The following PIEZO2 variants were observed in gnomAD, a reference collection of about 807,000 sequenced individuals.
PIEZO2 encodes the protein piezo-type mechanosensitive ion channel component 2.
A neutral mutation model predicts 337.3 loss-of-function variants in PIEZO2; 172 were observed. The ratio of observed to expected loss-of-function variants is 0.51; its 90% CI spans 0.45 to 0.58. The LOEUF (loss-of-function observed/expected upper bound fraction) is 0.58, where lower values mean the gene tolerates loss of function less well. Ranked by LOEUF, PIEZO2 falls within the 20% of genes least tolerant of loss-of-function variation. The probability of loss-of-function intolerance (pLI) is 0.00; values close to 1 mark genes in which losing one functional copy is unlikely to be tolerated. For synonymous variants in PIEZO2, 1,251 were observed against 1,228.5 expected, an observed-to-expected ratio of 1.02 and a Z score of -0.38; for missense variants, 3,028 against 3,391.3, an observed-to-expected ratio of 0.89 and a Z score of 2.66.
At position 10,924,026 on chromosome 18, in the gene PIEZO2, T is replaced by C. The variant is rs557292418; in HGVS notation, c.287-12798A>G. 5.3e-5 allele frequency among the ~76,000 whole-genome samples: 8 copies of C among 152,298 alleles called. No homozygotes were observed. In the South Asian group the frequency reaches 8.3e-4, roughly 16 times the overall value. On this transcript the variant is annotated intron_variant, in intron 3 of 55. Coordinates refer to ENST00000674853, the MANE Select transcript of PIEZO2 (RefSeq NM_001378183.1). ...GTAGATAAATGGTAGCCACCAGTAA[T>C]TGAAGGTTCTCAGCCAGTGTTTAAA...
chr18:10,816,609 C>T (rs1203963020), intron 7 of PIEZO2, among the ~76,000 whole-genome samples: 1 of 151,990 alleles, frequency 6.6e-6, no homozygotes, highest in Non-Finnish European at 1.5e-5. Flanking sequence ...CCTAAATACC[C>T]AATAAAAATC....
At position 10,861,129 on chromosome 18, in the gene PIEZO2, G is replaced by GC. The variant is rs1183765069; in HGVS notation, c.493-3919dup. Among the ~76,000 whole-genome samples, 1 of 152,138 alleles carries GC rather than the reference G, an allele frequency of 6.6e-6. No homozygotes were observed. The highest frequency in any genetic ancestry group is 1.5e-5 in the Non-Finnish European group (1 of 68,032). On this transcript the variant is annotated intron_variant, in intron 5 of 55. Coordinates refer to ENST00000674853, the MANE Select transcript of PIEZO2 (RefSeq NM_001378183.1). This position sits in a 1 kb window ranked among gnomAD's most constrained non-coding sequence, Gnocchi z 4.3. ...GTATAAACACTGAACCTCTGAAAGA[G>GC]CATGGACTCACTCTCGCATGTTTAC...
At chr18:11,034,538 CCGCCTCGGCCT>C (rs912949306) in intron 2 of PIEZO2, among the ~76,000 whole-genome samples, 1 of 152,150 alleles carries the variant, frequency 6.6e-6, no homozygotes, top group African/African-American at 2.4e-5. Flanking sequence ...CGTGATCTGC[CCGCCTCGGCCT>C]CCCAAAGTGC....
chr18:10,856,958 C>T lies in PIEZO2; in HGVS notation c.703+43G>A. On this transcript the variant is annotated intron_variant, in intron 6 of 55. Coordinates refer to ENST00000674853, the MANE Select transcript of PIEZO2 (RefSeq NM_001378183.1). This position sits in a 1 kb window ranked among gnomAD's most constrained non-coding sequence, Gnocchi z 4.7. ...ATTTCTCTCATTCACCAAAGCACTGCTTGTGCCTTTTGCTACGTGCAGCCA... is the reference window on the plus strand; with the variant it reads ...ATTTCTCTCATTCACCAAAGCACTGTTTGTGCCTTTTGCTACGTGCAGCCA... The T allele has an allele frequency of 6.7e-7, 1 of 1,497,232 alleles. No individual in the cohort carries two copies. Among genetic ancestry groups the T allele is most frequent in the Non-Finnish European group, 9.0e-7 (1 of 1,111,156 alleles). The allele number at this position is 1,497,232 out of a possible 1,614,324, so 92.7% of individuals were successfully genotyped here.
chr18:11,007,746 AAAATTT>A (rs1336336379), intron 2 of PIEZO2, among the ~76,000 whole-genome samples: 21 of 152,338 alleles, frequency 1.4e-4, no homozygotes, highest in African/African-American at 4.8e-4. Flanking sequence ...GGGGTGGCAA[AAAATTT>A]CAACCAAAAC....
intron 39 of PIEZO2, chr18:10,709,633 C>T (rs903393330): frequency 6.6e-6 from 1 of 152,340 alleles, no homozygotes; most frequent in Non-Finnish European, 1.5e-5. Flanking sequence ...GGAAGACTTT[C>T]AGGATGCAAT....
chr18:10,952,656 C>T lies in PIEZO2; in HGVS notation c.286+26879G>A, dbSNP rs968284281. ...CGAATAAACCTGCTTTAAACATTTG[C>T]TTAAAATTTTAAAGTCAAATTTTCA... is the stretch of plus-strand genomic sequence containing the variant. On this transcript the variant is annotated intron_variant, in intron 3 of 55. Coordinates refer to ENST00000674853, the MANE Select transcript of PIEZO2 (RefSeq NM_001378183.1). The surrounding 1 kb of genome is among the most constrained non-coding windows in gnomAD (Gnocchi z 4.1). 2.6e-5 allele frequency among the ~76,000 whole-genome samples: 4 copies of T among 152,148 alleles called. No homozygotes were observed. Among genetic ancestry groups the T allele is most frequent in the Admixed American group, 2.6e-4 (4 of 15,264 alleles).
At chr18:10,965,235 A>AT (rs1403447640) in intron 3 of PIEZO2, among the ~76,000 whole-genome samples, 1 of 152,124 alleles carries the variant, frequency 6.6e-6, no homozygotes. Flanking sequence ...TGGGTGTATG[A>AT]TTTTCATTCC....
At chr18:11,124,734 G>A (rs1002681707) in intron 1 of PIEZO2, among the ~76,000 whole-genome samples, 1 of 152,090 alleles carries the variant, frequency 6.6e-6, no homozygotes, top group Non-Finnish European at 1.5e-5. Flanking sequence ...TGTAGGTAGA[G>A]TCAAGAAAAA....
chr18:11,094,850 G>A lies in PIEZO2; in HGVS notation c.65-28628C>T, dbSNP rs2016302. Among the ~76,000 whole-genome samples, 60,257 of 152,138 alleles carry A rather than the reference G, an allele frequency of 0.4. 12,229 individuals carry two copies. The highest frequency in any genetic ancestry group is 0.58 in the South Asian group (2,795 of 4,824). On this transcript the variant is annotated intron_variant, in intron 1 of 55. Coordinates refer to ENST00000674853, the MANE Select transcript of PIEZO2 (RefSeq NM_001378183.1). The surrounding 1 kb of genome is among the most constrained non-coding windows in gnomAD (Gnocchi z 4.4). ...TAGTCTGCAGATTTAGAAGCACTTAGTAAAATGTCCAGTGAGACACCACAG... is the reference window on the plus strand; with the variant it reads ...TAGTCTGCAGATTTAGAAGCACTTAATAAAATGTCCAGTGAGACACCACAG...
intron 2 of PIEZO2, among the ~76,000 whole-genome samples, chr18:10,990,300 A>T (rs1298926989): frequency 1.3e-5 from 2 of 152,190 alleles, no homozygotes; most frequent in Non-Finnish European, 2.9e-5. Context: ...GATTAATTTC[A>T]TATGAGGAGA....
rs2036812581 is a variant in PIEZO2, at chr18:11,033,502, T to C, written c.160+32625A>G. Among the ~76,000 whole-genome samples, 2 of 152,230 alleles carry C rather than the reference T, an allele frequency of 1.3e-5. No homozygotes were observed. The highest frequency in any genetic ancestry group is 4.8e-5 in the African/African-American group (2 of 41,462). ...ATTTAGAGAAAGTGACATTTTGCCA[T>C]GTTTTTTACAGAATTGCCTCCAAGA... is the stretch of plus-strand genomic sequence containing the variant. On this transcript the variant is annotated intron_variant, in intron 2 of 55. Transcript: ENST00000674853. This position sits in a 1 kb window ranked among gnomAD's most constrained non-coding sequence, Gnocchi z 4.2.
rs771300095 is a variant in PIEZO2, at chr18:10,750,090, C to T, written c.4264+1G>A. Reference sequence around the variant, plus strand: ...CCTTCACACTTGCTTTTCATACTTACGCATTTGATAGCCTTTGACTGTGCA... The same window carrying T: ...CCTTCACACTTGCTTTTCATACTTATGCATTTGATAGCCTTTGACTGTGCA... On this transcript the variant is annotated splice_donor_variant, in intron 29 of 55. Transcript: ENST00000674853. LOFTEE classifies it high-confidence loss of function. The surrounding 1 kb of genome is among the most constrained non-coding windows in gnomAD (Gnocchi z 4.1). 3 of 1,533,892 alleles carry T rather than the reference C, an allele frequency of 2.0e-6. No individual in the cohort carries two copies. Among genetic ancestry groups the T allele is most frequent in the Non-Finnish European group, 2.6e-6 (3 of 1,143,992 alleles).
rs563458695 is a variant in PIEZO2 at position 10,890,129 on chromosome 18, T to C, written c.330-18714A>G. Among the ~76,000 whole-genome samples, 186 of 152,364 alleles carry C rather than the reference T, an allele frequency of 1.2e-3. 1 individual carries two copies. The highest frequency in any genetic ancestry group is 4.4e-3 in the African/African-American group (183 of 41,584). ...GGCTAGCAAAGCTCTTGTGAAGTAC[T>C]GCAAAATGGAAAGCCAGTAAAATCT... On this transcript the variant is annotated intron_variant, in intron 4 of 55. Coordinates refer to ENST00000674853, the MANE Select transcript of PIEZO2 (RefSeq NM_001378183.1).
rs2040247707 is a variant in PIEZO2, at chr18:11,128,417, T to C, written c.64+20108A>G. Among the ~76,000 whole-genome samples, 1 of 152,152 alleles carries C rather than the reference T, an allele frequency of 6.6e-6. No individual in the cohort carries two copies. Among genetic ancestry groups the C allele is most frequent in the Non-Finnish European group, 1.5e-5 (1 of 68,026 alleles). ...GTGTCTACTGTTAAAGTGAGGGCAT[T>C]GATTGAAAAAGAATGGGACCCTGCA... is the stretch of plus-strand genomic sequence containing the variant. On this transcript the variant is annotated intron_variant, in intron 1 of 55. Transcript: ENST00000674853. The surrounding 1 kb of genome is among the most constrained non-coding windows in gnomAD (Gnocchi z 4.1).
At chr18:11,051,362 T>TGTGTGTGTGTGG (rs1168440946) in intron 2 of PIEZO2, among the ~76,000 whole-genome samples, 2 of 151,402 alleles carry the variant, frequency 1.3e-5, no homozygotes, top group Non-Finnish European at 2.9e-5. Flanking sequence ...TGTGTGTGTG[T>TGTGTGTGTGTGG]GTGTGTGGGT....
intron 36 of PIEZO2, chr18:10,728,351 G>A (rs1462122254): frequency 5.9e-5 from 9 of 152,172 alleles, no homozygotes; most frequent in East Asian, 5.8e-4. Context: ...CCACTTTTGC[G>A]AATCTGTTCT....
intron 2 of PIEZO2, among the ~76,000 whole-genome samples, chr18:11,063,782 G>A (rs2038053672): frequency 6.6e-6 from 1 of 152,208 alleles, no homozygotes; most frequent in South Asian, 2.1e-4. Context: ...GTTTGCCAAT[G>A]TACTTTCATA....
intron 2 of PIEZO2, among the ~76,000 whole-genome samples, chr18:11,062,900 G>A (rs913688291): frequency 1.3e-5 from 2 of 152,042 alleles, no homozygotes; most frequent in African/African-American, 2.4e-5. Context: ...CACAGCAATC[G>A]CATTACTGGG....
Sources: allele counts gnomAD v4.1 joint callset (sites outside exome capture counted in the v4.1 genomes callset), GRCh38; gene constraint gnomAD v4.1.1; non-coding constraint Gnocchi (gnomAD v3.1); transcripts MANE v1.5; gene names NCBI Gene and HGNC (gene_info 2026-07-23, HGNC 2026-07-21).